The following NRXN3 variants were observed in gnomAD, a reference collection of about 807,000 sequenced individuals.
NRXN3 encodes neurexin 3.
In NRXN3, 32 loss-of-function variants were observed where a neutral mutation model predicts 137.6. The observed-to-expected ratio is 0.23, with a 90% CI of 0.18 to 0.31. The LOEUF (loss-of-function observed/expected upper bound fraction) is 0.31, where lower values mean the gene tolerates loss of function less well. Ranked by LOEUF, NRXN3 falls within the 10% of genes least tolerant of loss-of-function variation. The pLI is 1.00. For synonymous variants in NRXN3, 798 were observed against 784.5 expected (o/e 1.02, Z -0.29); for missense variants, 1,574 against 2,062.5 (o/e 0.76, Z 4.59).
At chr14:78,357,942 G>A (rs550428660) in intron 4 of NRXN3, among the ~76,000 whole-genome samples, 1 of 152,294 alleles carries the variant, frequency 6.6e-6, no homozygotes, top group East Asian at 1.9e-4. Flanking sequence ...TTCAGTCTTA[G>A]AGCAAGGTAT....
At chr14:79,005,488 C>G (rs1258999163) in intron 15 of NRXN3, among the ~76,000 whole-genome samples, 1 of 152,052 alleles carries the variant, frequency 6.6e-6, no homozygotes, top group African/African-American at 2.4e-5. Flanking sequence ...TGATGAGAGT[C>G]TTTCTTCATA....
At chr14:78,455,416 C>T (rs942495900) in intron 4 of NRXN3, among the ~76,000 whole-genome samples, 1 of 152,204 alleles carries the variant, frequency 6.6e-6, no homozygotes, top group Non-Finnish European at 1.5e-5. Context: ...GCAGGTTGAT[C>T]TGTGCAGGAG....
At chr14:78,440,560 G>A (rs566578831) in intron 4 of NRXN3, among the ~76,000 whole-genome samples, 2 of 152,234 alleles carry the variant, frequency 1.3e-5, no homozygotes, top group South Asian at 2.1e-4. Context: ...TGCAACTCAC[G>A]AGATAAAGCT....
chr14:78,835,580 A>G (rs2098994406), intron 10 of NRXN3, among the ~76,000 whole-genome samples: 1 of 152,100 alleles, frequency 6.6e-6, no homozygotes, highest in Admixed American at 6.5e-5. Flanking sequence ...GTAAGTGATG[A>G]GAAATTGTTA....
chr14:79,849,130 A>G (rs1463515253), intron 20 of NRXN3, among the ~76,000 whole-genome samples: 1 of 152,152 alleles, frequency 6.6e-6, no homozygotes, highest in Non-Finnish European at 1.5e-5. Context: ...CCAGCTACCC[A>G]TGCTGTAGTG....
intron 15 of NRXN3, among the ~76,000 whole-genome samples, chr14:79,031,884 C>T (rs1406875340): frequency 6.6e-6 from 1 of 152,006 alleles, no homozygotes; most frequent in Non-Finnish European, 1.5e-5. Context: ...AAACGTGGTG[C>T]AGGAAAAAGC....
intron 16 of NRXN3, among the ~76,000 whole-genome samples, chr14:79,609,262 A>C (rs2098067589): frequency 6.6e-6 from 1 of 152,190 alleles, no homozygotes; most frequent in South Asian, 2.1e-4. Flanking sequence ...ACTCTAAACC[A>C]GAAGGGACTT....
chr14:78,960,810 C>T (rs2099406645), intron 11 of NRXN3, among the ~76,000 whole-genome samples: 1 of 152,072 alleles, frequency 6.6e-6, no homozygotes, highest in Non-Finnish European at 1.5e-5. Flanking sequence ...GCATGTATAG[C>T]ACCAAGCTGT....
intron 15 of NRXN3, among the ~76,000 whole-genome samples, chr14:79,140,918 A>G (rs2152996083): frequency 6.6e-6 from 1 of 152,282 alleles, no homozygotes; most frequent in East Asian, 1.9e-4. Flanking sequence ...ACATACAAAC[A>G]CATAGAAACA....
chr14:78,383,765 C>A (rs534482587), intron 4 of NRXN3, among the ~76,000 whole-genome samples: 4 of 152,236 alleles, frequency 2.6e-5, no homozygotes, highest in African/African-American at 7.2e-5. Flanking sequence ...ACCTTGAGAG[C>A]AGATAGGATG....
At chr14:78,605,164 G>A (rs962624203) in intron 4 of NRXN3, among the ~76,000 whole-genome samples, 1 of 152,046 alleles carries the variant, frequency 6.6e-6, no homozygotes, top group African/African-American at 2.4e-5. Context: ...TGGTCCTTTT[G>A]AGTTTTAAGT....
intron 15 of NRXN3, among the ~76,000 whole-genome samples, chr14:79,285,552 C>A (rs1026107790): frequency 2.6e-5 from 4 of 152,128 alleles, no homozygotes; most frequent in Admixed American, 2.6e-4. Flanking sequence ...TTAGTTCTTT[C>A]TGACATCTCT....
chr14:78,507,446 G>A (rs536259502), intron 4 of NRXN3, among the ~76,000 whole-genome samples: 41 of 152,278 alleles, frequency 2.7e-4, no homozygotes, highest in African/African-American at 9.9e-4. Flanking sequence ...CCGGGGCCAG[G>A]GCCATGCCAC....
intron 4 of NRXN3, among the ~76,000 whole-genome samples, chr14:78,305,613 T>C (rs1297290894): frequency 6.6e-6 from 1 of 152,166 alleles, no homozygotes; most frequent in Non-Finnish European, 1.5e-5. Flanking sequence ...CCCCCTCTTG[T>C]CCCTGCTAGG....
At chr14:78,554,614 T>G (rs1018151714) in intron 4 of NRXN3, among the ~76,000 whole-genome samples, 5 of 152,188 alleles carry the variant, frequency 3.3e-5, no homozygotes, top group Admixed American at 6.5e-5. Flanking sequence ...TGTCAAATCT[T>G]CTGCATAGAG....
At chr14:78,256,055 C>T (rs2069527363) in intron 2 of NRXN3, among the ~76,000 whole-genome samples, 1 of 152,064 alleles carries the variant, frequency 6.6e-6, no homozygotes, top group African/African-American at 2.4e-5. Flanking sequence ...TTGGTTTGAT[C>T]TAGTTGAGGA....
intron 15 of NRXN3, among the ~76,000 whole-genome samples, chr14:79,171,923 A>T (rs950407348): frequency 2.6e-5 from 4 of 152,122 alleles, no homozygotes; most frequent in African/African-American, 7.2e-5. Context: ...GTAAAAGGAA[A>T]GTAAATGTAA....
intron 4 of NRXN3, among the ~76,000 whole-genome samples, chr14:78,638,041 T>C (rs2097581810): frequency 6.6e-6 from 1 of 152,232 alleles, no homozygotes; most frequent in African/African-American, 2.4e-5. Context: ...TCCAGGCCAT[T>C]CTTCTGTGGA....
intron 7 of NRXN3, among the ~76,000 whole-genome samples, chr14:78,714,141 C>A (rs1049808250): frequency 4.6e-5 from 7 of 152,168 alleles, no homozygotes; most frequent in Non-Finnish European, 1.0e-4. Flanking sequence ...TATTCACTGG[C>A]AGGGCTGGTA....
Sources: gnomAD v4.1 joint callset for allele counts (sites outside exome capture counted in the v4.1 genomes callset) on GRCh38, gnomAD v4.1.1 for gene constraint, MANE v1.5 for transcripts, NCBI Gene and HGNC (gene_info 2026-07-23, HGNC 2026-07-21) for gene names.